Variants in TNRC6B observed in about 807,000 individuals in gnomAD.
TNRC6B encodes the protein trinucleotide repeat-containing gene 6B protein.
A neutral mutation model predicts 203.6 loss-of-function variants in TNRC6B; 52 were observed. The observed-to-expected ratio is 0.26, with a 90% confidence interval of 0.20 to 0.32. The LOEUF is 0.32. Among genes scored for constraint, TNRC6B ranks in the 10% least tolerant of loss-of-function variants. The pLI is 1.00. For synonymous variants in TNRC6B, 838 were observed against 845.7 expected, an observed-to-expected ratio of 0.99 and a Z score of 0.16; for missense variants, 1,923 against 2,286.2, an observed-to-expected ratio of 0.84 and a Z score of 3.24.
chr22:40,084,126 C>T (rs1224985895), intron 1 of TNRC6B, among the ~76,000 whole-genome samples: 4 of 151,852 alleles, frequency 2.6e-5, no homozygotes, highest in African/African-American at 4.8e-5. Context: ...ACCTTGGAAG[C>T]GAATTGAAGG....
At chr22:40,194,704 T>A (rs939597691) in intron 1 of TNRC6B, among the ~76,000 whole-genome samples, 5 of 152,182 alleles carry the variant, frequency 3.3e-5, no homozygotes, top group African/African-American at 4.8e-5. Context: ...TTAAATGCAA[T>A]CAGCCTGTGA....
intron 3 of TNRC6B, among the ~76,000 whole-genome samples, chr22:40,259,011 T>G (rs1017175826): frequency 6.6e-6 from 1 of 152,188 alleles, no homozygotes; most frequent in African/African-American, 2.4e-5. Flanking sequence ...CATAGCTCTT[T>G]CTGTCCTAAA....
chr22:40,239,585 C>T (rs1408155498), intron 1 of TNRC6B, among the ~76,000 whole-genome samples: 2 of 152,066 alleles, frequency 1.3e-5, no homozygotes, highest in East Asian at 1.9e-4. Flanking sequence ...TTTTGTCAGG[C>T]GTGCAGAATG....
Position 40,286,923 on chromosome 22 carries a change from G to C in TNRC6B, c.3708+1153G>C, listed in dbSNP as rs140182162. ...TTTTAATAAACCAAGCTTTGAGTCT[G>C]TTTCATCCTTAAAAGAAGATGGGAG... On this transcript the variant is annotated intron_variant, in intron 12 of 22. Transcript: ENST00000454349. 2.6e-3 allele frequency among the ~76,000 whole-genome samples: 401 copies of C among 152,298 alleles called. 4 individuals carry two copies. The highest frequency in any genetic ancestry group is 7.2e-3 in the Admixed American group (110 of 15,300).
Position 40,321,140 on chromosome 22 carries a change from G to A in TNRC6B, c.5025G>A (p.Leu1675=). 1.2e-6 allele frequency: 2 copies of A among 1,613,962 alleles called. No individual in the cohort carries two copies. The highest frequency in any genetic ancestry group is 1.7e-6 in the Non-Finnish European group (2 of 1,179,892). Residue 1675 remains leucine (L), a synonymous_variant, in exon 22 of 23, where the codon CTG becomes CTA. Coordinates refer to ENST00000454349, the MANE Select transcript of TNRC6B (RefSeq NM_001162501.2). ...TCTGCATGCAGCATGGCCCACTGCT[G>A]ACATTCCATCTGAATCTAACCCAGG... ...RTICMQHGPL[L]TFHLNLTQGT... is the part of the protein sequence containing the mutation.
intron 4 of TNRC6B, among the ~76,000 whole-genome samples, chr22:40,157,549 A>G (rs1037004190): frequency 5.3e-5 from 8 of 152,196 alleles, no homozygotes; most frequent in African/African-American, 1.7e-4. Context: ...TAACCAGGCA[A>G]TTTTAAAAAT....
At chr22:40,223,998 T>G (rs1355554369) in intron 1 of TNRC6B, among the ~76,000 whole-genome samples, 2 of 152,042 alleles carry the variant, frequency 1.3e-5, no homozygotes, top group Non-Finnish European at 2.9e-5. Context: ...TTGGTGTACT[T>G]TGGTGTTGTT....
At chr22:40,176,188 G>C (rs977794481), upstream of TNRC6B, among the ~76,000 whole-genome samples, 38 of 149,880 alleles carry the variant, frequency 2.5e-4, no homozygotes, top group Non-Finnish European at 5.5e-4. Flanking sequence ...GCAATGGCGC[G>C]ATCTCGGCTC....
intron 1 of TNRC6B, among the ~76,000 whole-genome samples, chr22:40,092,415 C>G (rs1427601202): frequency 6.7e-6 from 1 of 149,728 alleles, no homozygotes; most frequent in Non-Finnish European, 1.5e-5. Flanking sequence ...AAAAAAAAAA[C>G]AGATTTGAAA....
intron 2 of TNRC6B, among the ~76,000 whole-genome samples, chr22:40,122,286 A>T (rs2146321701): frequency 6.6e-6 from 1 of 152,206 alleles, no homozygotes; most frequent in South Asian, 2.1e-4. Flanking sequence ...TGTTTCTCTG[A>T]CTAATAAAGC....
chr22:40,259,431 C>T (rs1051817388), intron 3 of TNRC6B, among the ~76,000 whole-genome samples: 1 of 152,174 alleles, frequency 6.6e-6, no homozygotes, highest in Non-Finnish European at 1.5e-5. Flanking sequence ...ACAATGTCGG[C>T]CAGGATGGTC....
intron 1 of TNRC6B, among the ~76,000 whole-genome samples, chr22:40,084,062 G>A (rs1367070386): frequency 2.6e-5 from 4 of 152,138 alleles, no homozygotes; most frequent in Non-Finnish European, 5.9e-5. Context: ...AGTATTCTTG[G>A]CATGGAGAAG....
chr22:40,273,705 C>A, intron 7 of TNRC6B, 105 bp downstream of exon 7: 1 of 1,296,210 alleles, frequency 7.7e-7, no homozygotes, highest in South Asian at 1.5e-5. Context: ...CCCTCTGTCA[C>A]CCAGACTGGA....
At position 40,323,383 on chromosome 22, in the gene TNRC6B, A is replaced by G; in HGVS notation, c.*142A>G. ...AAACGGAGAGAAAAAAAGGTGGGTC[A>G]TTGACAGACTGTCTGAGCACATAGT... is the stretch of plus-strand genomic sequence containing the variant. On this transcript the variant is annotated 3_prime_UTR_variant, in exon 23 of 23. Coordinates refer to ENST00000454349, the MANE Select transcript of TNRC6B (RefSeq NM_001162501.2). The G allele has an allele frequency of 6.5e-6, 7 of 1,077,480 alleles. No homozygotes were observed. Among genetic ancestry groups the G allele is most frequent in the South Asian group, 5.1e-5 (3 of 58,730 alleles). The allele number at this position is 1,077,480 out of a possible 1,614,324, so 66.7% of individuals were successfully genotyped here.
intron 1 of TNRC6B, among the ~76,000 whole-genome samples, chr22:40,067,483 A>G (rs976839007): frequency 1.3e-5 from 2 of 152,132 alleles, no homozygotes; most frequent in African/African-American, 4.8e-5. Context: ...TCCTGTGATT[A>G]TGAAGGCCGA....
At chr22:40,308,790 CAT>C in intron 16 of TNRC6B, 141 bp downstream of exon 16, 4 of 1,005,534 alleles carry the variant, frequency 4.0e-6, no homozygotes, top group Non-Finnish European at 5.7e-6. Context: ...AGGTCAGAGT[CAT>C]GTGTATGTTG....
At chr22:40,245,289 C>T (rs1358793654) in intron 1 of TNRC6B, among the ~76,000 whole-genome samples, 1 of 151,946 alleles carries the variant, frequency 6.6e-6, no homozygotes, top group Non-Finnish European at 1.5e-5. Flanking sequence ...CGGGGTTTCA[C>T]TATGTTGACC....
intron 4 of TNRC6B, among the ~76,000 whole-genome samples, chr22:40,263,970 A>G (rs1453879124): frequency 6.6e-6 from 1 of 152,238 alleles, no homozygotes; most frequent in Non-Finnish European, 1.5e-5. Context: ...ACTGAGCAAA[A>G]TGGCTCTAGA....
At chr22:40,238,243 G>T (rs552197418) in intron 1 of TNRC6B, among the ~76,000 whole-genome samples, 1 of 152,066 alleles carries the variant, frequency 6.6e-6, no homozygotes, top group African/African-American at 2.4e-5. Context: ...TCGACTCGCC[G>T]TTCTCTAGTG....
Sources: allele counts gnomAD v4.1 joint callset (sites outside exome capture counted in the v4.1 genomes callset), GRCh38; gene constraint gnomAD v4.1.1; transcripts MANE v1.5; gene names NCBI Gene and HGNC (gene_info 2026-07-23, HGNC 2026-07-21).